Variants in CNTNAP2 observed in about 807,000 individuals in gnomAD.
CNTNAP2 encodes contactin-associated protein-like 2.
Under a neutral mutation model 155.2 loss-of-function variants are expected in CNTNAP2, and 98 were observed. The ratio of observed to expected loss-of-function variants is 0.63; its 90% confidence interval spans 0.54 to 0.75. The LOEUF is 0.75. Ranked by LOEUF, CNTNAP2 falls within the 30% of genes least tolerant of loss-of-function variation. CNTNAP2 has a pLI of 0.00. For synonymous variants in CNTNAP2, 651 were observed against 631.2 expected (o/e 1.03, Z -0.47); for missense variants, 1,727 against 1,688.1 (o/e 1.02, Z -0.40).
At chr7:147,286,160 G>A (rs558045342) in intron 8 of CNTNAP2, among the ~76,000 whole-genome samples, 3 of 152,030 alleles carry the variant, frequency 2.0e-5, no homozygotes, top group African/African-American at 4.8e-5. Flanking sequence ...TGTCCTTGCC[G>A]TTTACATAGT....
intron 2 of CNTNAP2, among the ~76,000 whole-genome samples, chr7:146,831,236 T>A (rs1803503817): frequency 6.6e-6 from 1 of 152,214 alleles, no homozygotes; most frequent in Non-Finnish European, 1.5e-5. Context: ...CTTCACTGTT[T>A]TTAAAATTTA....
At chr7:147,806,127 T>C (rs1454863675) in intron 13 of CNTNAP2, among the ~76,000 whole-genome samples, 12 of 152,170 alleles carry the variant, frequency 7.9e-5, no homozygotes, top group African/African-American at 2.9e-4. Flanking sequence ...AACCAGAACA[T>C]ATAAAGAACA....
At chr7:147,746,454 G>A (rs1179611141) in intron 13 of CNTNAP2, among the ~76,000 whole-genome samples, 4 of 152,090 alleles carry the variant, frequency 2.6e-5, no homozygotes, top group South Asian at 2.1e-4. Context: ...CACGTCTTCC[G>A]CTGGGACGAG....
intron 3 of CNTNAP2, among the ~76,000 whole-genome samples, chr7:146,906,755 C>T (rs1394667971): frequency 6.6e-6 from 1 of 152,146 alleles, no homozygotes; most frequent in African/African-American, 2.4e-5. Flanking sequence ...CTCTCCTCCT[C>T]CAAAGGAACG....
chr7:147,904,478 C>T (rs1202342711), intron 14 of CNTNAP2, among the ~76,000 whole-genome samples: 1 of 152,168 alleles, frequency 6.6e-6, no homozygotes, highest in East Asian at 1.9e-4. Context: ...CCAGTGCCGG[C>T]TTTCTACATT....
rs1437683712 is a variant in CNTNAP2 at position 146,483,296 on chromosome 7, T to A, written c.98-290975T>A. Among the ~76,000 whole-genome samples the A allele has an allele frequency of 6.7e-3, 422 of 62,672 alleles. 17 individuals are homozygous for A. Among genetic ancestry groups the A allele is most frequent in the Non-Finnish European group, 8.5e-3 (298 of 34,956 alleles). 41.1% of individuals were successfully genotyped at this position (62,672 alleles called of 152,430 possible). A position where few individuals can be genotyped will look rare whatever the true frequency, so the allele number is the denominator to read the frequency against. On this transcript the variant is annotated intron_variant, in intron 1 of 23. Transcript: ENST00000361727. ...GTCTAAAAAAAAATATATATATATA[T>A]ATATATATATATATATATATATATA...
At chr7:147,797,345 A>G (rs1797913543) in intron 13 of CNTNAP2, among the ~76,000 whole-genome samples, 1 of 152,036 alleles carries the variant, frequency 6.6e-6, no homozygotes, top group African/African-American at 2.4e-5. Flanking sequence ...TTACTTCTAT[A>G]TGTTGCATTT....
intron 11 of CNTNAP2, among the ~76,000 whole-genome samples, chr7:147,538,651 A>AT (rs1365200300): frequency 6.6e-6 from 1 of 151,464 alleles, no homozygotes; most frequent in Admixed American, 6.6e-5. Flanking sequence ...TTATATATAT[A>AT]AAAAAAAATC....
intron 15 of CNTNAP2, among the ~76,000 whole-genome samples, chr7:148,087,715 T>A (rs544373285): frequency 2.0e-5 from 3 of 152,248 alleles, no homozygotes; most frequent in African/African-American, 7.2e-5. Context: ...AAACATGGAA[T>A]CAGCTTCCCT....
chr7:146,598,744 A>G (rs1798901388), intron 1 of CNTNAP2, among the ~76,000 whole-genome samples: 1 of 151,928 alleles, frequency 6.6e-6, no homozygotes, highest in Non-Finnish European at 1.5e-5. Context: ...TATGTAAATC[A>G]CTCTTTAGGT....
At chr7:146,905,547 G>C (rs1796102645) in intron 3 of CNTNAP2, among the ~76,000 whole-genome samples, 1 of 152,068 alleles carries the variant, frequency 6.6e-6, no homozygotes, top group Non-Finnish European at 1.5e-5. Flanking sequence ...AAAGTGTATA[G>C]AATTTAGAAA....
At chr7:148,149,718 AT>A (rs1203244458) in intron 17 of CNTNAP2, among the ~76,000 whole-genome samples, 3 of 151,878 alleles carry the variant, frequency 2.0e-5, no homozygotes, top group Non-Finnish European at 4.4e-5. Flanking sequence ...TGCCCAGCAA[AT>A]TTTTGTATTT....
intron 12 of CNTNAP2, among the ~76,000 whole-genome samples, chr7:147,611,859 C>T (rs1007668584): frequency 1.3e-5 from 2 of 152,148 alleles, no homozygotes; most frequent in Non-Finnish European, 2.9e-5. Flanking sequence ...GATGCCTTTC[C>T]TATCAGAGTC....
chr7:148,399,150 G>A (rs6949329), intron 22 of CNTNAP2, among the ~76,000 whole-genome samples: 39,434 of 152,074 alleles, frequency 0.26, 5,716 homozygotes, highest in Non-Finnish European at 0.33. Context: ...GGCAGTCACC[G>A]AGGCTGTCTG....
rs78448514 is a variant in CNTNAP2, at chr7:147,156,404, A to C, written c.1348+23895A>C. ...AGATATGCTTTGTTCTCATTCTGAC[A>C]TTTAAATAAACCTCACAAAGGCTTT... On this transcript the variant is annotated intron_variant, in intron 8 of 23. Transcript: ENST00000361727. Among the ~76,000 whole-genome samples, 410 of 152,328 alleles carry C rather than the reference A, an allele frequency of 2.7e-3. 10 individuals are homozygous for C. In the East Asian group the frequency reaches 0.065, roughly 24 times the overall value.
At chr7:148,080,708 T>C (rs1803584870) in intron 15 of CNTNAP2, among the ~76,000 whole-genome samples, 1 of 152,124 alleles carries the variant, frequency 6.6e-6, no homozygotes, top group Admixed American at 6.6e-5. Flanking sequence ...AACTGTTTAA[T>C]TTAGACCTTC....
chr7:147,755,584 G>A (rs966416979), intron 13 of CNTNAP2, among the ~76,000 whole-genome samples: 3 of 152,170 alleles, frequency 2.0e-5, no homozygotes, highest in Non-Finnish European at 4.4e-5. Flanking sequence ...CCCGAGAGGT[G>A]GAGGTTGCAG....
chr7:147,212,773 G>T (rs996368971), intron 8 of CNTNAP2, among the ~76,000 whole-genome samples: 37 of 152,162 alleles, frequency 2.4e-4, no homozygotes, highest in Admixed American at 2.2e-3. Flanking sequence ...TTGTATTCTT[G>T]CATTAAAAAT....
chr7:146,709,660 G>A (rs1265165295), intron 1 of CNTNAP2, among the ~76,000 whole-genome samples: 1 of 152,148 alleles, frequency 6.6e-6, no homozygotes, highest in Non-Finnish European at 1.5e-5. Context: ...GTGCAGTCTG[G>A]ATGTCTCCAG....
Sources: gnomAD v4.1 joint callset for allele counts (sites outside exome capture counted in the v4.1 genomes callset) on GRCh38, gnomAD v4.1.1 for gene constraint, MANE v1.5 for transcripts, NCBI Gene and HGNC (gene_info 2026-07-23, HGNC 2026-07-21) for gene names.